NHEJ1: variants seen among roughly 807,000 people sequenced by gnomAD.
The protein encoded by NHEJ1 is non-homologous end joining factor 1.
NHEJ1 carries 22 observed loss-of-function variants against 39.4 expected under a neutral mutation model. The ratio of observed to expected loss-of-function variants is 0.56; its 90% CI spans 0.40 to 0.80. The LOEUF (loss-of-function observed/expected upper bound fraction) is 0.80. NHEJ1 is among the 30% of genes least tolerant of loss of function. The pLI is 0.00. For synonymous variants in NHEJ1, 154 were observed against 135.6 expected, an observed-to-expected ratio of 1.14 and a Z score of -0.94; for missense variants, 329 against 357.1, an observed-to-expected ratio of 0.92 and a Z score of 0.63.
intron 3 of NHEJ1, 61 bp downstream of exon 3, chr2:219,157,410 TA>T: frequency 6.9e-7 from 1 of 1,451,488 alleles, no homozygotes. Flanking sequence ...TAAAAGCACC[TA>T]AAGCTTCCTC....
chr2:219,135,172 T>G (rs1362454325), intron 5 of NHEJ1, among the ~76,000 whole-genome samples: 1 of 152,204 alleles, frequency 6.6e-6, no homozygotes, highest in Non-Finnish European at 1.5e-5. Flanking sequence ...ATTACCATAC[T>G]GTAACAAATG....
chr2:219,070,211 G>C lies in NHEJ1; in HGVS notation c.*6170C>G, dbSNP rs1559183159. On this transcript the variant is annotated 3_prime_UTR_variant, in exon 8 of 8. Coordinates refer to ENST00000356853, the MANE Select transcript of NHEJ1 (RefSeq NM_024782.3). ...TTTTTTTATTTTTATTTTTGAGATGGAGTCTTGCTCTGTCGCCCAGGGTGG... is the reference window on the plus strand; with the variant it reads ...TTTTTTTATTTTTATTTTTGAGATGCAGTCTTGCTCTGTCGCCCAGGGTGG... Among the ~76,000 whole-genome samples, 2 of 152,046 alleles carry C rather than the reference G, an allele frequency of 1.3e-5. No homozygotes were observed. The highest frequency in any genetic ancestry group is 2.9e-5 in the Non-Finnish European group (2 of 68,006).
In NHEJ1 at chr2:219,070,645, C is replaced by T. The variant is rs957491039; in HGVS notation, c.*5736G>A. Reference sequence around the variant, plus strand: ...AGCCATGGAGCCCAGTCTTAAATTTCCCCTTTAGCACAATCCAGACACTCA... The same window carrying T: ...AGCCATGGAGCCCAGTCTTAAATTTTCCCTTTAGCACAATCCAGACACTCA... On this transcript the variant is annotated 3_prime_UTR_variant, in exon 8 of 8. Coordinates refer to ENST00000356853, the MANE Select transcript of NHEJ1 (RefSeq NM_024782.3). Among the ~76,000 whole-genome samples, 2 of 152,178 alleles carry T rather than the reference C, an allele frequency of 1.3e-5. No homozygotes were observed. Among genetic ancestry groups the T allele is most frequent in the Admixed American group, 1.3e-4 (2 of 15,282 alleles).
chr2:219,110,344 C>T (rs1035722837), intron 5 of NHEJ1, among the ~76,000 whole-genome samples: 2 of 151,926 alleles, frequency 1.3e-5, no homozygotes, highest in African/African-American at 4.8e-5. Flanking sequence ...GGAAAAATCC[C>T]GTCTCTACAA....
chr2:219,103,595 A>G (rs1279501834), intron 5 of NHEJ1, among the ~76,000 whole-genome samples: 1 of 152,198 alleles, frequency 6.6e-6, no homozygotes, highest in Non-Finnish European at 1.5e-5. Context: ...TTTAAAAACA[A>G]AATGACTGCT....
At position 219,077,807 on chromosome 2, in the gene NHEJ1, C is replaced by A. The variant is rs187759858; in HGVS notation, c.706+282G>T. On this transcript the variant is annotated intron_variant, in intron 6 of 7. Transcript: ENST00000356853. Reference sequence around the variant, plus strand: ...ACTAATCTTTCTCCTGGTTCTTTTGCTAACCCTTCTAAGTACCTAGACCAG... The same window carrying A: ...ACTAATCTTTCTCCTGGTTCTTTTGATAACCCTTCTAAGTACCTAGACCAG... Among the ~76,000 whole-genome samples the A allele has an allele frequency of 2.0e-5, 3 of 152,224 alleles. No individual in the cohort carries two copies. In the East Asian group the frequency reaches 5.8e-4, roughly 29 times the overall value.
chr2:219,129,878 A>T (rs1949561134), intron 5 of NHEJ1, among the ~76,000 whole-genome samples: 1 of 152,096 alleles, frequency 6.6e-6, no homozygotes, highest in South Asian at 2.1e-4. Flanking sequence ...TTTTTTTTAT[A>T]GTCTGTTTAC....
At chr2:219,151,945 G>A (rs1202117083) in intron 3 of NHEJ1, among the ~76,000 whole-genome samples, 1 of 152,240 alleles carries the variant, frequency 6.6e-6, no homozygotes, top group East Asian at 1.9e-4. Context: ...TCCAGCCTGG[G>A]TGACAGAGAG....
chr2:219,140,756 C>T (rs1017102601), intron 5 of NHEJ1, among the ~76,000 whole-genome samples: 10 of 152,168 alleles, frequency 6.6e-5, no homozygotes, highest in Non-Finnish European at 8.8e-5. Context: ...GTTAAACAAG[C>T]AGTCTGGAGT....
chr2:219,104,463 G>A lies in NHEJ1; in HGVS notation c.589-26257C>T, dbSNP rs1044565004. On this transcript the variant is annotated intron_variant, in intron 5 of 7. Transcript: ENST00000356853. ...CTACCCAGGGTGTTCCCTTACAAGAGGGTGCAAGATCTATCAAGGCTACTC... is the reference window on the plus strand; with the variant it reads ...CTACCCAGGGTGTTCCCTTACAAGAAGGTGCAAGATCTATCAAGGCTACTC... Among the ~76,000 whole-genome samples, 19 of 152,270 alleles carry A rather than the reference G, an allele frequency of 1.2e-4. 1 individual carries two copies. The highest frequency in any genetic ancestry group is 1.0e-3 in the Admixed American group (16 of 15,288).
intron 5 of NHEJ1, among the ~76,000 whole-genome samples, chr2:219,138,570 C>G (rs1319846103): frequency 6.6e-6 from 1 of 152,222 alleles, no homozygotes; most frequent in African/African-American, 2.4e-5. Context: ...AGGCACTGTT[C>G]TAGGCACTTG....
chr2:219,115,905 A>T (rs955453117), intron 5 of NHEJ1, among the ~76,000 whole-genome samples: 10 of 152,164 alleles, frequency 6.6e-5, no homozygotes, highest in African/African-American at 2.4e-4. Context: ...GCAGATCACG[A>T]GGTCAAGAGA....
At chr2:219,119,780 G>A (rs1949454104) in intron 5 of NHEJ1, among the ~76,000 whole-genome samples, 1 of 152,154 alleles carries the variant, frequency 6.6e-6, no homozygotes, top group South Asian at 2.1e-4. Context: ...TTCCTGTGGA[G>A]CACACTGGAG....
In NHEJ1 at chr2:219,076,264, A is replaced by T; in HGVS notation, c.*117T>A. On this transcript the variant is annotated 3_prime_UTR_variant, in exon 8 of 8. Coordinates refer to ENST00000356853, the MANE Select transcript of NHEJ1 (RefSeq NM_024782.3). Reference sequence around the variant, plus strand: ...TCAACTTCAGTTCTCTCGCCCTTACAGGAGGCCTCTGACTGTATCACTATT... The same window carrying T: ...TCAACTTCAGTTCTCTCGCCCTTACTGGAGGCCTCTGACTGTATCACTATT... 1.3e-6 allele frequency: 2 copies of T among 1,586,046 alleles called. No homozygotes were observed. The highest frequency in any genetic ancestry group is 2.3e-5 in the South Asian group (2 of 87,734).
chr2:219,078,010 G>C, intron 6 of NHEJ1, 79 bp downstream of exon 6: 2 of 975,130 alleles, frequency 2.1e-6, no homozygotes, highest in Non-Finnish European at 3.3e-6. Context: ...TATGTGGCTA[G>C]AAAACTATCA....
intron 5 of NHEJ1, among the ~76,000 whole-genome samples, chr2:219,097,622 G>C (rs1196153646): frequency 1.3e-5 from 2 of 152,150 alleles, no homozygotes; most frequent in Admixed American, 6.5e-5. Flanking sequence ...AGTCTGAAAG[G>C]ATGAAGTTGC....
At chr2:219,137,354 A>G (rs1007808636) in intron 5 of NHEJ1, among the ~76,000 whole-genome samples, 6 of 152,078 alleles carry the variant, frequency 3.9e-5, no homozygotes, top group African/African-American at 1.2e-4. Flanking sequence ...ACATAAGCAT[A>G]TGACCAAGAG....
intron 3 of NHEJ1, among the ~76,000 whole-genome samples, chr2:219,150,848 C>G (rs545696662): frequency 2.1e-4 from 32 of 151,754 alleles, no homozygotes; most frequent in Admixed American, 8.5e-4. Flanking sequence ...TCCAGCTACT[C>G]GGGAGGCTGA....
chr2:219,134,283 G>A (rs780144354), intron 5 of NHEJ1, among the ~76,000 whole-genome samples: 2 of 152,172 alleles, frequency 1.3e-5, no homozygotes, highest in Non-Finnish European at 2.9e-5. Flanking sequence ...GTAAATCAAC[G>A]GGATGGCCTT....
Sources: allele counts gnomAD v4.1 joint callset (sites outside exome capture counted in the v4.1 genomes callset), GRCh38; gene constraint gnomAD v4.1.1; transcripts MANE v1.5; gene names NCBI Gene and HGNC (gene_info 2026-07-23, HGNC 2026-07-21).